Variants in RGS21 observed in about 807,000 individuals in gnomAD.
RGS21 encodes regulator of G protein signaling 21.
Under a neutral mutation model 18.7 loss-of-function variants are expected in RGS21, and 19 were observed. That is an observed-to-expected ratio of 1.01 (90% CI 0.71 to 1.49). The LOEUF is 1.49. Among genes scored for constraint, RGS21 ranks in the 40% most tolerant of loss-of-function variants. The pLI is 0.00. For synonymous variants in RGS21, 56 were observed against 57.8 expected (o/e 0.97, Z 0.14); for missense variants, 194 against 176.8 (o/e 1.10, Z -0.55).
At chr1:192,337,857 A>G (rs1253171679) in intron 1 of RGS21, among the ~76,000 whole-genome samples, 1 of 152,194 alleles carries the variant, frequency 6.6e-6, no homozygotes, top group Admixed American at 6.5e-5. Flanking sequence ...ATATGAATTC[A>G]CTAAAGTGAA....
intron 4 of RGS21, among the ~76,000 whole-genome samples, chr1:192,360,756 G>A (rs927871096): frequency 6.6e-6 from 1 of 152,012 alleles, no homozygotes; most frequent in Non-Finnish European, 1.5e-5. Flanking sequence ...AAAACCCACA[G>A]GGCTTCCTCC....
chr1:192,340,935 T>C (rs1431837566), intron 1 of RGS21, among the ~76,000 whole-genome samples: 1 of 152,082 alleles, frequency 6.6e-6, no homozygotes, highest in Non-Finnish European at 1.5e-5. Context: ...GTGAGAATTA[T>C]GGGAGCTACA....
At chr1:192,337,404 T>C (rs1658785764) in intron 1 of RGS21, among the ~76,000 whole-genome samples, 1 of 152,004 alleles carries the variant, frequency 6.6e-6, no homozygotes, top group Non-Finnish European at 1.5e-5. Flanking sequence ...TTTTTTATTT[T>C]TTATTAAATA....
intron 4 of RGS21, among the ~76,000 whole-genome samples, chr1:192,356,760 T>C (rs1203783428): frequency 2.0e-5 from 3 of 151,794 alleles, no homozygotes; most frequent in Non-Finnish European, 4.4e-5. Flanking sequence ...ATTTTTTCTT[T>C]GCATTTTTAA....
intron 1 of RGS21, among the ~76,000 whole-genome samples, chr1:192,330,563 A>G (rs951939988): frequency 6.6e-5 from 10 of 152,208 alleles, no homozygotes; most frequent in African/African-American, 2.4e-4. Flanking sequence ...TCTAGGGCAA[A>G]AAAACAAAAT....
rs145737641 is a variant in RGS21 at position 192,322,558 on chromosome 1, T to C, written c.-61+5453T>C. Among the ~76,000 whole-genome samples the C allele has an allele frequency of 3.4e-3, 513 of 152,172 alleles. 2 individuals carry two copies. Among genetic ancestry groups the C allele is most frequent in the Middle Eastern group, 6.8e-3 (2 of 294 alleles). ...TTGTTTCTAATAACCCATTTTGTGT[T>C]CTAACAATCCCCTTAATTTGTATCT... On this transcript the variant is annotated intron_variant, in intron 1 of 4. Coordinates refer to ENST00000417209, the MANE Select transcript of RGS21 (RefSeq NM_001039152.3).
intron 4 of RGS21, among the ~76,000 whole-genome samples, chr1:192,362,167 C>G (rs991713342): frequency 2.0e-5 from 3 of 152,048 alleles, no homozygotes; most frequent in African/African-American, 7.2e-5. Context: ...AAATGCCACA[C>G]TGAGATGTTT....
intron 1 of RGS21, among the ~76,000 whole-genome samples, chr1:192,333,260 T>C (rs551021308): frequency 6.8e-5 from 8 of 117,758 alleles, no homozygotes; most frequent in African/African-American, 3.0e-4. Flanking sequence ...AATTTGGCAG[T>C]TTCTTAAATA....
intron 1 of RGS21, among the ~76,000 whole-genome samples, chr1:192,322,566 T>C (rs895973802): frequency 6.6e-6 from 1 of 152,036 alleles, no homozygotes; most frequent in Non-Finnish European, 1.5e-5. Flanking sequence ...GTTCTAACAA[T>C]CCCCTTAATT....
chr1:192,330,377 G>A (rs1571450665), intron 1 of RGS21, among the ~76,000 whole-genome samples: 1 of 152,150 alleles, frequency 6.6e-6, no homozygotes, highest in African/African-American at 2.4e-5. Flanking sequence ...AAATGGTTCA[G>A]AATTCAAGAA....
chr1:192,360,226 T>A (rs78231990), intron 4 of RGS21, among the ~76,000 whole-genome samples: 3,739 of 152,216 alleles, frequency 0.025, 90 homozygotes, highest in Non-Finnish European at 0.034. Context: ...GTTCTCTCTA[T>A]CTCTGTTAAT....
chr1:192,337,250 C>A (rs1342857694), intron 1 of RGS21, among the ~76,000 whole-genome samples: 2 of 151,886 alleles, frequency 1.3e-5, no homozygotes, highest in African/African-American at 4.8e-5. Context: ...CTAGAATTTA[C>A]AAGGAATCAT....
At chr1:192,359,655 G>GTATATA (rs10638712) in intron 4 of RGS21, among the ~76,000 whole-genome samples, 21,794 of 124,068 alleles carry the variant, frequency 0.18, 2,241 homozygotes, top group African/African-American at 0.26. Flanking sequence ...GTGTGTGTGT[G>GTATATA]TATATATATA....
At chr1:192,354,239 A>G (rs893697409) in intron 4 of RGS21, among the ~76,000 whole-genome samples, 6 of 151,810 alleles carry the variant, frequency 4.0e-5, no homozygotes, top group Non-Finnish European at 7.4e-5. Context: ...CAAATACACA[A>G]TAGGTGATAT....
intron 2 of RGS21, 52 bp downstream of exon 2, chr1:192,343,099 AC>A: frequency 6.6e-7 from 1 of 1,525,136 alleles, no homozygotes; most frequent in East Asian, 2.3e-5. Flanking sequence ...CAAATGAAAC[AC>A]TTGAGTCTTC....
At chr1:192,321,973 T>A (rs1167717347) in intron 1 of RGS21, among the ~76,000 whole-genome samples, 1 of 152,146 alleles carries the variant, frequency 6.6e-6, no homozygotes, top group Non-Finnish European at 1.5e-5. Context: ...CAAGTCTCAT[T>A]TTTAAAAAGT....
chr1:192,360,453 C>A (rs1294285489), intron 4 of RGS21, among the ~76,000 whole-genome samples: 1 of 152,112 alleles, frequency 6.6e-6, no homozygotes, highest in Non-Finnish European at 1.5e-5. Context: ...TTCTGAATAG[C>A]TTTGAAATCT....
At chr1:192,338,653 G>T (rs1452393838) in intron 1 of RGS21, among the ~76,000 whole-genome samples, 2 of 151,912 alleles carry the variant, frequency 1.3e-5, no homozygotes, top group Non-Finnish European at 2.9e-5. Context: ...CTTTCCAAAA[G>T]TCTGTGAACA....
At chr1:192,361,384 A>T (rs1659185716) in intron 4 of RGS21, among the ~76,000 whole-genome samples, 1 of 152,108 alleles carries the variant, frequency 6.6e-6, no homozygotes, top group Non-Finnish European at 1.5e-5. Flanking sequence ...AAAAATTAGT[A>T]AAAGAAATAG....
Sources: allele counts gnomAD v4.1 joint callset (sites outside exome capture counted in the v4.1 genomes callset), GRCh38; gene constraint gnomAD v4.1.1; transcripts MANE v1.5; gene names NCBI Gene and HGNC (gene_info 2026-07-23, HGNC 2026-07-21).